EVC: variants seen among roughly 807,000 people sequenced by gnomAD.
EVC encodes the protein evC complex member EVC.
In EVC, 116 loss-of-function variants were observed where a neutral mutation model predicts 118.9. That is an observed-to-expected ratio of 0.98 (90% confidence interval 0.84 to 1.14). EVC has a LOEUF of 1.14. Among genes scored for constraint, EVC ranks in the 50% most tolerant of loss-of-function variants. The probability of loss-of-function intolerance (pLI) is 0.00; values close to 1 mark genes in which losing one functional copy is unlikely to be tolerated. For missense variants in EVC, 1,401 were observed against 1,246.4 expected (o/e 1.12, Z -1.87); for synonymous variants, 619 against 534.7 (o/e 1.16, Z -2.18).
At chr4:5,824,195 G>A in the EVC span, 1 of 611,772 alleles carries the variant, frequency 1.6e-6, no homozygotes, top group Non-Finnish European at 2.0e-6. Flanking sequence ...GGTCCAGTTT[G>A]CAAACTCCTT....
At chr4:5,776,528 T>C (rs1223277508) in intron 11 of EVC, among the ~76,000 whole-genome samples, 1 of 152,150 alleles carries the variant, frequency 6.6e-6, no homozygotes, top group East Asian at 1.9e-4. Flanking sequence ...AAGCCTCAGT[T>C]TCCTCATCTG....
the EVC span, among the ~76,000 whole-genome samples, chr4:5,822,763 CCTTT>C: frequency 6.6e-6 from 1 of 152,172 alleles, no homozygotes; most frequent in African/African-American, 2.4e-5. Flanking sequence ...TGTAAGTCTG[CCTTT>C]CTTCATGGTC....
Position 5,754,413 on chromosome 4 carries a change from G to T in EVC, c.1464+480G>T, listed in dbSNP as rs1730863913. 6.6e-6 allele frequency among the ~76,000 whole-genome samples: 1 copy of T among 152,168 alleles called. No individual in the cohort carries two copies. Among genetic ancestry groups the T allele is most frequent in the African/African-American group, 2.4e-5 (1 of 41,454 alleles). Reference sequence around the variant, plus strand: ...CAGGGCCAGGAGGTGGCCAAGGTCAGAGGTACCCTTGGTCTTGCCTGAGAA... The same window carrying T: ...CAGGGCCAGGAGGTGGCCAAGGTCATAGGTACCCTTGGTCTTGCCTGAGAA... On this transcript the variant is annotated intron_variant, in intron 10 of 20. Transcript: ENST00000264956. This position sits in a 1 kb window ranked among gnomAD's most constrained non-coding sequence, Gnocchi z 5.8.
rs1716357301 is a variant in EVC, at chr4:5,808,413, G to C, written c.2688+86G>C. On this transcript the variant is annotated intron_variant, in intron 18 of 20. Coordinates refer to ENST00000264956, the MANE Select transcript of EVC (RefSeq NM_153717.3). ...GAAGCCAGCCTGTGACCACACGTCA[G>C]CCATGGGGACTGCACTTCCCTGCCT... 4 of 1,591,368 alleles carry C rather than the reference G, an allele frequency of 2.5e-6. No homozygotes were observed. In the Admixed American group the frequency reaches 6.9e-5, roughly 28 times the overall value.
intron 1 of EVC, among the ~76,000 whole-genome samples, chr4:5,716,493 G>A (rs1028853103): frequency 2.0e-5 from 3 of 152,214 alleles, no homozygotes; most frequent in African/African-American, 7.2e-5. Context: ...AAGAGCTTTA[G>A]AACAAAGAAT....
At chr4:5,820,694 C>G in the EVC span, 3 of 152,226 alleles carry the variant, frequency 2.0e-5, no homozygotes, top group South Asian at 2.1e-4. Context: ...CAGGAAGCAG[C>G]CACCACCATT....
downstream of EVC, among the ~76,000 whole-genome samples, chr4:5,818,044 A>G (rs1246312038): frequency 6.6e-6 from 1 of 152,058 alleles, no homozygotes; most frequent in African/African-American, 2.4e-5. Flanking sequence ...TAGCTCCCAT[A>G]ATTCCGTGAT....
At chr4:5,806,082 T>A (rs1042441404) in intron 17 of EVC, among the ~76,000 whole-genome samples, 2 of 147,022 alleles carry the variant, frequency 1.4e-5, no homozygotes, top group Non-Finnish European at 3.0e-5. Context: ...ATCCTTCCAC[T>A]CTCTTTTTTT....
intron 17 of EVC, 97 bp downstream of exon 17, chr4:5,804,938 T>C (rs907042303): frequency 6.4e-6 from 7 of 1,095,888 alleles, no homozygotes; most frequent in African/African-American, 4.6e-5. Flanking sequence ...GTCGCGTGCA[T>C]TGCCCGTGGA....
intron 11 of EVC, among the ~76,000 whole-genome samples, chr4:5,780,871 A>G (rs1010382967): frequency 2.6e-5 from 4 of 152,222 alleles, no homozygotes; most frequent in African/African-American, 4.8e-5. Context: ...AAAAGCTACA[A>G]GGCGTAAAAT....
chr4:5,745,464 C>CT lies in EVC; in HGVS notation c.939+123_939+124insT, dbSNP rs1729233233. ...CTTGAATTCCCCTATCGCATTCTGC[C>CT]CTAGAGGCAGGATCCAGTTTCTGAT... is the stretch of plus-strand genomic sequence containing the variant. On this transcript the variant is annotated intron_variant, in intron 7 of 20. Transcript: ENST00000264956. 3 of 1,011,610 alleles carry CT rather than the reference C, an allele frequency of 3.0e-6. No homozygotes were observed. The South Asian group carries it at 4.2e-5, about 14-fold the overall frequency. 62.7% of individuals were successfully genotyped at this position (1,011,610 alleles called of 1,614,324 possible).
intron 11 of EVC, among the ~76,000 whole-genome samples, chr4:5,764,954 G>A (rs1732645152): frequency 7.3e-6 from 1 of 136,790 alleles, no homozygotes; most frequent in Admixed American, 7.1e-5. Flanking sequence ...GCTTTTGAAT[G>A]TGTTTGCTCT....
At position 5,749,062 on chromosome 4, in the gene EVC, A is replaced by C. The variant is rs1464245855; in HGVS notation, c.1098+756A>C. Among the ~76,000 whole-genome samples the C allele has an allele frequency of 6.6e-6, 1 of 151,974 alleles. No homozygotes were observed. Among genetic ancestry groups the C allele is most frequent in the Non-Finnish European group, 1.5e-5 (1 of 68,004 alleles). Reference sequence around the variant, plus strand: ...TGACGCCCACTGGTGTAGACAGAGCATTGATTGACTTTCCTGATTGCCCTG... The same window carrying C: ...TGACGCCCACTGGTGTAGACAGAGCCTTGATTGACTTTCCTGATTGCCCTG... On this transcript the variant is annotated intron_variant, in intron 8 of 20. Coordinates refer to ENST00000264956, the MANE Select transcript of EVC (RefSeq NM_153717.3). This position sits in a 1 kb window ranked among gnomAD's most constrained non-coding sequence, Gnocchi z 4.4.
At chr4:5,825,601 G>A in the EVC span, 20 of 1,603,498 alleles carry the variant, frequency 1.2e-5, no homozygotes, top group Non-Finnish European at 1.6e-5. This position sits in a 1 kb window ranked among gnomAD's most constrained non-coding sequence, Gnocchi z 4.4. Context: ...GGGTGTAGCT[G>A]GTACCTCGTA....
At chr4:5,745,438 A>G in intron 7 of EVC, 97 bp downstream of exon 7, 1 of 1,328,220 alleles carries the variant, frequency 7.5e-7, no homozygotes, top group Admixed American at 1.7e-5. Context: ...TGTGCCTAAT[A>G]CTTGAATTCC....
At chr4:5,828,768 C>T in the EVC span, 2 of 1,378,488 alleles carry the variant, frequency 1.5e-6, no homozygotes, top group East Asian at 4.9e-5. Flanking sequence ...TAAGCGTGTT[C>T]CAATGTTTTT....
At position 5,731,495 on chromosome 4, in the gene EVC, C is replaced by T. The variant is rs371671127; in HGVS notation, c.455C>T (p.Pro152Leu). Residue 152 changes from proline (P) to leucine (L), a missense_variant, in exon 4 of 21, where the codon CCG (proline) becomes CTG (leucine). Physicochemically the swap from Pro to Leu is moderately conservative, Grantham distance 98 (BLOSUM62 -3). Coordinates refer to ENST00000264956, the MANE Select transcript of EVC (RefSeq NM_153717.3). The surrounding 1 kb of genome is among the most constrained non-coding windows in gnomAD (Gnocchi z 5.6). ...AAGCAGGCTGTTTTGCCACACCAGC[C>T]GGTAGAGGCCTCTCCTTCCAGCAGT... Reference protein sequence around the residue: ...NLKQAVLPHQPVEASPSSSLG... With the variant: ...NLKQAVLPHQLVEASPSSSLG... 111 of 1,614,100 alleles carry T rather than the reference C, an allele frequency of 6.9e-5. No individual in the cohort carries two copies. Among genetic ancestry groups the T allele is most frequent in the South Asian group, 3.2e-4 (29 of 91,078 alleles).
rs78312120 is a variant in EVC at position 5,754,365 on chromosome 4, C to G, written c.1464+432C>G. 6.6e-6 allele frequency among the ~76,000 whole-genome samples: 1 copy of G among 152,234 alleles called. No homozygotes were observed. The highest frequency in any genetic ancestry group is 2.4e-5 in the African/African-American group (1 of 41,548). The stretch of plus-strand genomic sequence containing the variant: ...CCAGGAGAAGGAAGGGAGTTCCCAG[C>G]CTTGCATGTGGGGTTGAGTGGTCAG... On this transcript the variant is annotated intron_variant, in intron 10 of 20. Coordinates refer to ENST00000264956, the MANE Select transcript of EVC (RefSeq NM_153717.3). The surrounding 1 kb of genome is among the most constrained non-coding windows in gnomAD (Gnocchi z 5.8).
intron 11 of EVC, among the ~76,000 whole-genome samples, chr4:5,776,969 C>T (rs536147408): frequency 6.6e-6 from 1 of 152,228 alleles, no homozygotes; most frequent in African/African-American, 2.4e-5. Flanking sequence ...AAGACCATGT[C>T]TTGTAATTAC....
Sources: gnomAD v4.1 joint callset for allele counts (sites outside exome capture counted in the v4.1 genomes callset) on GRCh38, gnomAD v4.1.1 for gene constraint, Gnocchi (gnomAD v3.1) non-coding constraint, MANE v1.5 for transcripts, NCBI Gene and HGNC (gene_info 2026-07-23, HGNC 2026-07-21) for gene names.